KLHL15: variants seen among roughly 807,000 people sequenced by gnomAD.
The protein encoded by KLHL15 is kelch-like protein 15.
Under a neutral mutation model 29.3 loss-of-function variants are expected in KLHL15, and 1 was observed. The observed-to-expected ratio is 0.03, with a 90% confidence interval of 0.01 to 0.16. The LOEUF (loss-of-function observed/expected upper bound fraction) is 0.16. KLHL15 is among the 10% of genes least tolerant of loss of function. The pLI is 1.00. For missense variants in KLHL15, 215 were observed against 478.5 expected (o/e 0.45, Z 5.14); for synonymous variants, 212 against 184.5 (o/e 1.15, Z -1.21).
intron 2 of KLHL15, among the ~76,000 whole-genome samples, chrX:24,020,822 T>C (rs1424966997): frequency 8.9e-6 from 1 of 111,969 alleles, no homozygotes; most frequent in Non-Finnish European, 1.9e-5. Flanking sequence ...TCACAAATAC[T>C]GTAATGTTAG....
At chrX:23,997,766 T>A (rs1351838037) in intron 3 of KLHL15, among the ~76,000 whole-genome samples, 43 of 103,071 alleles carry the variant, frequency 4.2e-4, no homozygotes, top group Admixed American at 8.5e-4. Flanking sequence ...TTTTTTTTTT[T>A]AAATTTTAGA....
Position 23,984,078 on chromosome X carries a change from A to C in KLHL15, c.*3843T>G, listed in dbSNP as rs961396426. 1.1e-4 allele frequency: 12 copies of C among 111,843 alleles called. No individual in the cohort carries two copies. The Admixed American group carries it at 1.1e-3, about 11-fold the overall frequency. 9.2% of individuals were successfully genotyped at this position (111,843 alleles called of 1,213,427 possible). On this transcript the variant is annotated 3_prime_UTR_variant, in exon 4 of 4. Transcript: ENST00000328046. ...CACTGGACCATTCCTTCAGAAAGCA[A>C]ACACCTAATCCTTACTATATACTGA...
chrX:23,993,401 G>A (rs966998579), intron 3 of KLHL15, among the ~76,000 whole-genome samples: 1 of 111,370 alleles, frequency 9.0e-6, no homozygotes, highest in Admixed American at 9.7e-5. Context: ...AACTCACAGG[G>A]TAATGCCAAG....
intron 2 of KLHL15, among the ~76,000 whole-genome samples, chrX:24,015,075 G>C (rs979003317): frequency 2.7e-5 from 3 of 111,973 alleles, no homozygotes; most frequent in Non-Finnish European, 5.6e-5. Flanking sequence ...GGTTCTGAGA[G>C]AACCTTACAT....
intron 2 of KLHL15, among the ~76,000 whole-genome samples, chrX:24,009,686 CAAAAAAAAA>C (rs748388349): frequency 5.8e-5 from 2 of 34,221 alleles, no homozygotes; most frequent in Non-Finnish European, 1.1e-4. Flanking sequence ...GTTCCATTTT[CAAAAAAAAA>C]AAAAAAAAAA....
At chrX:24,022,335 A>G (rs1184897536) in intron 2 of KLHL15, among the ~76,000 whole-genome samples, 2 of 87,695 alleles carry the variant, frequency 2.3e-5, no homozygotes, top group African/African-American at 1.0e-4. Context: ...ACTGTGTCTC[A>G]AAAGATAAAA....
At chrX:23,993,006 A>G (rs1261960894) in intron 3 of KLHL15, among the ~76,000 whole-genome samples, 5 of 110,844 alleles carry the variant, frequency 4.5e-5, no homozygotes, top group Non-Finnish European at 7.5e-5. Flanking sequence ...ATGTAATATT[A>G]ACAAATAACA....
chrX:24,005,906 T>G, intron 3 of KLHL15, 83 bp downstream of exon 3: 2 of 707,843 alleles, frequency 2.8e-6, no homozygotes, highest in Non-Finnish European at 2.1e-6. Context: ...TCTTGGCTCT[T>G]AAGTCTGTGA....
intron 3 of KLHL15, among the ~76,000 whole-genome samples, chrX:24,003,246 G>A (rs1361383370): frequency 9.0e-6 from 1 of 111,153 alleles, no homozygotes; most frequent in African/African-American, 3.3e-5. Context: ...ATAAAATGGG[G>A]ATAACATGTA....
chrX:24,020,347 C>G (rs1929778159), intron 2 of KLHL15, among the ~76,000 whole-genome samples: 2 of 112,320 alleles, frequency 1.8e-5, no homozygotes, highest in South Asian at 7.2e-4. Context: ...TCTCAATACA[C>G]TACTCAAATT....
chrX:24,005,945 T>C, intron 3 of KLHL15, 44 bp downstream of exon 3: 1 of 1,006,651 alleles, frequency 9.9e-7, no homozygotes, highest in Non-Finnish European at 1.4e-6. Flanking sequence ...TACACTGCCT[T>C]AACTAAATGA....
At chrX:24,003,625 G>T (rs1411840848) in intron 3 of KLHL15, among the ~76,000 whole-genome samples, 1 of 98,197 alleles carries the variant, frequency 1.0e-5, no homozygotes, top group Non-Finnish European at 2.0e-5. Flanking sequence ...AGAGCACTTA[G>T]TACATGACCT....
At chrX:24,005,395 C>A (rs1273172325) in intron 3 of KLHL15, among the ~76,000 whole-genome samples, 1 of 112,070 alleles carries the variant, frequency 8.9e-6, no homozygotes, top group African/African-American at 3.2e-5. Flanking sequence ...TGTTTTTAGA[C>A]ATATAACATG....
intron 3 of KLHL15, among the ~76,000 whole-genome samples, chrX:23,989,808 A>G (rs1929045937): frequency 9.1e-6 from 1 of 110,468 alleles, no homozygotes; most frequent in Non-Finnish European, 1.9e-5. Context: ...TTAAAATTTT[A>G]TTTTAAAATT....
intron 2 of KLHL15, among the ~76,000 whole-genome samples, chrX:24,007,787 C>T (rs1291415186): frequency 9.1e-6 from 1 of 109,391 alleles, no homozygotes; most frequent in African/African-American, 3.3e-5. Context: ...TCTATCTAGG[C>T]TTATTATTTA....
At position 24,025,621 on chromosome X, in the gene KLHL15, G is replaced by C. The variant is rs370766361; in HGVS notation, c.-209-563C>G. 6.5e-5 allele frequency among the ~76,000 whole-genome samples: 7 copies of C among 108,197 alleles called. No individual in the cohort carries two copies. The East Asian group carries it at 2.1e-3, about 32-fold the overall frequency. 94.0% of individuals were successfully genotyped at this position (108,197 alleles called of 115,157 possible). A position where few individuals can be genotyped will look rare whatever the true frequency, so the allele number is the denominator to read the frequency against. The stretch of plus-strand genomic sequence containing the variant: ...GAGGGGGCCAGCCCGTGGCCTGGCG[G>C]GTGTTTACCTTCCCCCTGGTCGAGC... On this transcript the variant is annotated intron_variant, in intron 1 of 3. Transcript: ENST00000328046.
At chrX:24,007,885 A>C (rs1168115056) in intron 2 of KLHL15, among the ~76,000 whole-genome samples, 3 of 109,601 alleles carry the variant, frequency 2.7e-5, no homozygotes, top group Non-Finnish European at 5.7e-5. Context: ...AATGATGTCA[A>C]CAGTTTATTT....
intron 2 of KLHL15, among the ~76,000 whole-genome samples, chrX:24,022,454 T>C (rs1175872434): frequency 9.4e-6 from 1 of 106,882 alleles, no homozygotes; most frequent in Admixed American, 1.0e-4. Context: ...GCCAACATGG[T>C]GAAACCCCGT....
At chrX:24,015,604 G>A (rs1929660570) in intron 2 of KLHL15, among the ~76,000 whole-genome samples, 1 of 112,516 alleles carries the variant, frequency 8.9e-6, no homozygotes, top group Non-Finnish European at 1.9e-5. Flanking sequence ...AGTAAGTAAG[G>A]GTATAGGTCT....
Sources: allele counts gnomAD v4.1 joint callset (sites outside exome capture counted in the v4.1 genomes callset), GRCh38; gene constraint gnomAD v4.1.1; transcripts MANE v1.5; gene names NCBI Gene and HGNC (gene_info 2026-07-23, HGNC 2026-07-21).